Variants in HS6ST3 observed in about 807,000 individuals in gnomAD.
HS6ST3 encodes the protein heparan-sulfate 6-O-sulfotransferase 3.
Under a neutral mutation model 36.7 loss-of-function variants are expected in HS6ST3, and 12 were observed. The ratio of observed to expected loss-of-function variants is 0.33; its 90% CI spans 0.21 to 0.53. The LOEUF is 0.53. Ranked by LOEUF, HS6ST3 falls within the 20% of genes least tolerant of loss-of-function variation. The pLI, the probability that HS6ST3 is intolerant of heterozygous loss-of-function variation, is 0.95. For synonymous variants in HS6ST3, 240 were observed against 257.5 expected, an observed-to-expected ratio of 0.93 and a Z score of 0.65; for missense variants, 584 against 640.9, an observed-to-expected ratio of 0.91 and a Z score of 0.96.
intron 1 of HS6ST3, among the ~76,000 whole-genome samples, chr13:96,290,425 C>T (rs1381955536): frequency 6.6e-6 from 1 of 152,098 alleles, no homozygotes; most frequent in Non-Finnish European, 1.5e-5. Context: ...AAGTGCAAAT[C>T]CCAGAAGACA....
At chr13:96,715,987 G>T (rs72645509) in intron 1 of HS6ST3, among the ~76,000 whole-genome samples, 1 of 150,538 alleles carries the variant, frequency 6.6e-6, no homozygotes, top group African/African-American at 2.4e-5. Flanking sequence ...CATAATCATC[G>T]TATAATCTTC....
At chr13:96,596,660 A>G (rs2056402651) in intron 1 of HS6ST3, among the ~76,000 whole-genome samples, 1 of 152,092 alleles carries the variant, frequency 6.6e-6, no homozygotes, top group Non-Finnish European at 1.5e-5. Flanking sequence ...CCATTATGCT[A>G]TTATTAAAAA....
intron 1 of HS6ST3, among the ~76,000 whole-genome samples, chr13:96,453,839 G>T (rs555288149): frequency 6.6e-6 from 1 of 152,148 alleles, no homozygotes; most frequent in East Asian, 1.9e-4. Context: ...ATATTTCTTG[G>T]CTAACTTTTG....
chr13:96,403,422 A>G (rs765082855), intron 1 of HS6ST3, among the ~76,000 whole-genome samples: 11 of 152,162 alleles, frequency 7.2e-5, no homozygotes, highest in South Asian at 4.1e-4. Flanking sequence ...TTACACCACA[A>G]TCAGAGCCAG....
intron 1 of HS6ST3, among the ~76,000 whole-genome samples, chr13:96,812,324 TTC>T (rs1878332544): frequency 6.6e-6 from 1 of 152,198 alleles, no homozygotes; most frequent in East Asian, 1.9e-4. Context: ...GCCTTTGCCT[TTC>T]TCTTTCTTGA....
At chr13:96,391,242 T>G (rs2055393853) in intron 1 of HS6ST3, among the ~76,000 whole-genome samples, 1 of 152,220 alleles carries the variant, frequency 6.6e-6, no homozygotes, top group South Asian at 2.1e-4. Context: ...AGATGTATTG[T>G]TTTTGTGTTT....
intron 1 of HS6ST3, among the ~76,000 whole-genome samples, chr13:96,355,394 CACACACACAA>C (rs1433365119): frequency 3.5e-5 from 5 of 142,060 alleles, no homozygotes; most frequent in Admixed American, 2.0e-4. Context: ...CACACACACA[CACACACACAA>C]ACACACAAAC....
rs1467303957 is a variant in HS6ST3 at position 96,658,296 on chromosome 13, T to TTTTTTTTTTTTTTTTTTTTTTTTTTC, written c.708-174192_708-174191insTTTTTTTTTTTTTTTTTTTTTTTCTT. 2.2e-4 allele frequency among the ~76,000 whole-genome samples: 19 copies of TTTTTTTTTTTTTTTTTTTTTTTTTTC among 87,382 alleles called. 2 individuals are homozygous for TTTTTTTTTTTTTTTTTTTTTTTTTTC. Among genetic ancestry groups the TTTTTTTTTTTTTTTTTTTTTTTTTTC allele is most frequent in the Admixed American group, 4.2e-4 (3 of 7,196 alleles). The allele number at this position is 87,382 out of a possible 152,430, so 57.3% of individuals were successfully genotyped here. On this transcript the variant is annotated intron_variant, in intron 1 of 1. Transcript: ENST00000376705. ...TTTTTTTTTTTTTTTTTTTTTTTTT[T>TTTTTTTTTTTTTTTTTTTTTTTTTTC]TTGAGATGGCGTCTCACTCTGTTAC...
At chr13:96,312,331 ATTG>A (rs1328423450) in intron 1 of HS6ST3, among the ~76,000 whole-genome samples, 1 of 152,130 alleles carries the variant, frequency 6.6e-6, no homozygotes, top group East Asian at 1.9e-4. Flanking sequence ...CCAATCATAT[ATTG>A]TTTGAGTTTT....
At chr13:96,538,187 G>T (rs776417332) in intron 1 of HS6ST3, among the ~76,000 whole-genome samples, 1 of 152,158 alleles carries the variant, frequency 6.6e-6, no homozygotes, top group Non-Finnish European at 1.5e-5. Flanking sequence ...CCTTCACTAC[G>T]TGCTCCAAAT....
chr13:96,325,070 AG>A (rs1171792112), intron 1 of HS6ST3, among the ~76,000 whole-genome samples: 1 of 152,232 alleles, frequency 6.6e-6, no homozygotes, highest in African/African-American at 2.4e-5. Context: ...CTTACTCACC[AG>A]TAAAACCATG....
Position 96,525,985 on chromosome 13 carries a change from G to A in HS6ST3, c.708-306505G>A, listed in dbSNP as rs372729228. Among the ~76,000 whole-genome samples the A allele has an allele frequency of 8.5e-5, 13 of 152,288 alleles. No individual in the cohort carries two copies. The East Asian group carries it at 2.3e-3, about 27-fold the overall frequency. ...CAGGACATTGTATAGATACAGACAT[G>A]CATTATTATACAAACTGAGTGAAGA... On this transcript the variant is annotated intron_variant, in intron 1 of 1. Coordinates refer to ENST00000376705, the MANE Select transcript of HS6ST3 (RefSeq NM_153456.4).
intron 1 of HS6ST3, among the ~76,000 whole-genome samples, chr13:96,354,562 T>G (rs893184550): frequency 6.6e-6 from 1 of 152,156 alleles, no homozygotes. Context: ...GATATGAAAC[T>G]CCATATATCT....
At chr13:96,139,998 C>A (rs968423413) in intron 1 of HS6ST3, among the ~76,000 whole-genome samples, 5 of 151,696 alleles carry the variant, frequency 3.3e-5, no homozygotes, top group Admixed American at 3.3e-4. Flanking sequence ...AGATGTGGGA[C>A]AATTTGAAAA....
intron 1 of HS6ST3, among the ~76,000 whole-genome samples, chr13:96,454,912 A>G (rs2055747580): frequency 6.7e-6 from 1 of 150,368 alleles, no homozygotes; most frequent in Non-Finnish European, 1.5e-5. Context: ...CCAGCCAAGC[A>G]GAAGAGTATA....
chr13:96,357,747 C>T (rs1014782678), intron 1 of HS6ST3, among the ~76,000 whole-genome samples: 1 of 152,024 alleles, frequency 6.6e-6, no homozygotes, highest in Non-Finnish European at 1.5e-5. Flanking sequence ...GTCTCAAACT[C>T]CTGGCCTCAA....
Position 96,834,122 on chromosome 13 carries a change from C to T in HS6ST3, c.*924C>T, listed in dbSNP as rs1169344067. ...TTAAAGGAATATTTCAGAGTTTAAT[C>T]TTTTTGGAGAAGTTATGTTCTTTAA... is the stretch of plus-strand genomic sequence containing the variant. On this transcript the variant is annotated 3_prime_UTR_variant, in exon 2 of 2. Transcript: ENST00000376705. 1 of 152,162 alleles carries T rather than the reference C, an allele frequency of 6.6e-6. No homozygotes were observed. The allele number at this position is 152,162 out of a possible 1,614,324, so 9.4% of individuals were successfully genotyped here.
intron 1 of HS6ST3, among the ~76,000 whole-genome samples, chr13:96,095,838 G>C (rs495214): frequency 0.82 from 124,640 of 151,348 alleles, 51,627 homozygotes; most frequent in East Asian, 0.92. Flanking sequence ...GACTCACCTT[G>C]TATCACAGAA....
intron 1 of HS6ST3, among the ~76,000 whole-genome samples, chr13:96,830,961 G>T (rs963928929): frequency 6.6e-6 from 1 of 152,198 alleles, no homozygotes; most frequent in Admixed American, 6.5e-5. Context: ...GGCCTGCTCC[G>T]CAATGGGGTC....
Sources: gnomAD v4.1 joint callset for allele counts (sites outside exome capture counted in the v4.1 genomes callset) on GRCh38, gnomAD v4.1.1 for gene constraint, MANE v1.5 for transcripts, NCBI Gene and HGNC (gene_info 2026-07-23, HGNC 2026-07-21) for gene names.